DAB1: variants seen among roughly 807,000 people sequenced by gnomAD.
DAB1 encodes the protein disabled homolog 1.
Under a neutral mutation model 64.6 loss-of-function variants are expected in DAB1, and 15 were observed. The observed-to-expected ratio is 0.23, with a 90% CI of 0.16 to 0.36. DAB1 has a LOEUF of 0.36. DAB1 is among the 10% of genes least tolerant of loss of function. DAB1 has a pLI of 1.00. For synonymous variants in DAB1, 235 were observed against 251.9 expected, an observed-to-expected ratio of 0.93 and a Z score of 0.64; for missense variants, 596 against 706.7, an observed-to-expected ratio of 0.84 and a Z score of 1.78.
intron 2 of DAB1, among the ~76,000 whole-genome samples, chr1:57,175,683 G>C (rs1423739351): frequency 2.0e-5 from 3 of 152,132 alleles, no homozygotes; most frequent in Non-Finnish European, 4.4e-5. Flanking sequence ...GCTAAACTTG[G>C]AGACTTTCTC....
chr1:57,547,224 T>C (rs1408661469), intron 7 of DAB1, among the ~76,000 whole-genome samples: 1 of 149,028 alleles, frequency 6.7e-6, no homozygotes, highest in Non-Finnish European at 1.5e-5. Flanking sequence ...TAGACAACAG[T>C]TACCCAACTG....
intron 7 of DAB1, among the ~76,000 whole-genome samples, chr1:57,603,424 C>G (rs1018213825): frequency 6.6e-6 from 1 of 152,208 alleles, no homozygotes; most frequent in Admixed American, 6.5e-5. Context: ...AAACTCAGTG[C>G]CTTCTATCTA....
At chr1:58,258,828 G>C (rs1396257802) in intron 4 of DAB1, among the ~76,000 whole-genome samples, 4 of 152,124 alleles carry the variant, frequency 2.6e-5, no homozygotes, top group African/African-American at 9.7e-5. Flanking sequence ...ATGCCATTGG[G>C]GATCTGGCCA....
At chr1:57,145,558 A>G (rs753255807) in intron 2 of DAB1, 129 bp from the exon 3 acceptor site, 114 of 860,732 alleles carry the variant, frequency 1.3e-4, no homozygotes, top group Non-Finnish European at 2.0e-4. Flanking sequence ...TGGACTCAGG[A>G]GAAAAGAATA....
intron 1 of DAB1, among the ~76,000 whole-genome samples, chr1:57,323,481 T>C (rs1240026068): frequency 6.6e-6 from 1 of 152,210 alleles, no homozygotes; most frequent in East Asian, 1.9e-4. Flanking sequence ...GATTTCTTAT[T>C]CCCCATAGAT....
chr1:57,363,586 G>A (rs922216009), intron 1 of DAB1, among the ~76,000 whole-genome samples: 2 of 152,138 alleles, frequency 1.3e-5, no homozygotes, highest in African/African-American at 4.8e-5. Flanking sequence ...ATGATATATG[G>A]AAGGCGCTTG....
chr1:57,739,649 C>T (rs887374124), intron 6 of DAB1, among the ~76,000 whole-genome samples: 3 of 150,998 alleles, frequency 2.0e-5, no homozygotes, highest in South Asian at 2.1e-4. Context: ...GACAGGGTTT[C>T]GCCATGTTGG....
intron 4 of DAB1, among the ~76,000 whole-genome samples, chr1:58,155,810 C>T (rs538305360): frequency 2.0e-5 from 3 of 152,256 alleles, no homozygotes; most frequent in African/African-American, 4.8e-5. Flanking sequence ...TTAGCAGGCA[C>T]GTATTCAATA....
chr1:57,291,070 C>T lies in DAB1; in HGVS notation c.-40G>A. Reference sequence around the variant, plus strand: ...AGTCCACTTCACACAGATCCCGGGCCTCGGCCAGGCTCATTGAGGACTCTT... The same window carrying T: ...AGTCCACTTCACACAGATCCCGGGCTTCGGCCAGGCTCATTGAGGACTCTT... On this transcript the variant is annotated 5_prime_UTR_variant, in exon 2 of 15. Transcript: ENST00000371236. The T allele has an allele frequency of 6.9e-7, 1 of 1,457,184 alleles. No individual in the cohort carries two copies. The allele number at this position is 1,457,184 out of a possible 1,614,324, so 90.3% of individuals were successfully genotyped here.
At chr1:58,536,678 T>C (rs1010370230) in intron 1 of DAB1, 6 of 872,784 alleles carry the variant, frequency 6.9e-6, no homozygotes, top group Non-Finnish European at 1.0e-5. Context: ...TATTCTTCCT[T>C]ATATTTTCTT....
intron 2 of DAB1, among the ~76,000 whole-genome samples, chr1:57,227,906 C>T (rs1403688377): frequency 6.6e-6 from 1 of 152,044 alleles, no homozygotes; most frequent in African/African-American, 2.4e-5. Flanking sequence ...GAGGGCATAA[C>T]TTAGGGGAAT....
chr1:58,055,116 T>C (rs565574790), intron 5 of DAB1, among the ~76,000 whole-genome samples: 96 of 152,330 alleles, frequency 6.3e-4, no homozygotes, highest in African/African-American at 2.2e-3. Flanking sequence ...ATTTAACAGA[T>C]GGGAGAGCAA....
At chr1:58,152,693 T>C (rs1405632071) in intron 4 of DAB1, among the ~76,000 whole-genome samples, 2 of 152,188 alleles carry the variant, frequency 1.3e-5, no homozygotes, top group African/African-American at 4.8e-5. Flanking sequence ...TTCTTATCCT[T>C]AATTAAAGAG....
intron 5 of DAB1, among the ~76,000 whole-genome samples, chr1:57,921,689 A>G (rs902384206): frequency 1.3e-5 from 2 of 152,076 alleles, no homozygotes; most frequent in African/African-American, 4.8e-5. Flanking sequence ...GAATCTCTCT[A>G]CCAGACTTCC....
At chr1:58,043,043 G>A (rs1263294755) in intron 5 of DAB1, among the ~76,000 whole-genome samples, 1 of 152,150 alleles carries the variant, frequency 6.6e-6, no homozygotes, top group African/African-American at 2.4e-5. Flanking sequence ...GCACAAAGGA[G>A]TGTATAAAGG....
intron 1 of DAB1, chr1:58,539,240 A>G: frequency 1.1e-6 from 1 of 870,732 alleles, no homozygotes; most frequent in South Asian, 1.3e-5. Context: ...AGTGAATTAA[A>G]TCGGAAGAAA....
At chr1:58,225,119 AAAAC>A (rs1368300406) in intron 4 of DAB1, among the ~76,000 whole-genome samples, 1 of 151,596 alleles carries the variant, frequency 6.6e-6, no homozygotes, top group Non-Finnish European at 1.5e-5. Flanking sequence ...TTACAAGAAA[AAAAC>A]AAACAACCCC....
chr1:57,471,673 T>C (rs1687141020), intron 7 of DAB1, among the ~76,000 whole-genome samples: 1 of 152,206 alleles, frequency 6.6e-6, no homozygotes, highest in African/African-American at 2.4e-5. Context: ...ATGTAAGACA[T>C]ACCTTTCACC....
intron 1 of DAB1, among the ~76,000 whole-genome samples, chr1:58,527,754 C>G (rs1646374651): frequency 6.7e-6 from 1 of 150,028 alleles, no homozygotes; most frequent in Non-Finnish European, 1.5e-5. Flanking sequence ...CACTACTAGA[C>G]AATTTATTTC....
Sources: allele counts gnomAD v4.1 joint callset (sites outside exome capture counted in the v4.1 genomes callset), GRCh38; gene constraint gnomAD v4.1.1; transcripts MANE v1.5; gene names NCBI Gene and HGNC (gene_info 2026-07-23, HGNC 2026-07-21).